RORA: variants seen among roughly 807,000 people sequenced by gnomAD.
RORA encodes RAR related orphan receptor A.
A neutral mutation model predicts 69.5 loss-of-function variants in RORA; 7 were observed. The observed-to-expected ratio is 0.10, with a 90% CI of 0.06 to 0.19. RORA has a LOEUF of 0.19. Among genes scored for constraint, RORA ranks in the 10% least tolerant of loss-of-function variants. The pLI, the probability that RORA is intolerant of heterozygous loss-of-function variation, is 1.00. For missense variants in RORA, 457 were observed against 663.0 expected, an observed-to-expected ratio of 0.69 and a Z score of 3.41; for synonymous variants, 261 against 240.8, an observed-to-expected ratio of 1.08 and a Z score of -0.78.
chr15:60,863,707 G>A lies in RORA; in HGVS notation c.167-185021C>T, dbSNP rs527321799. Reference sequence around the variant, plus strand: ...GTTAAACTGTTTAGTAGACTGTTTCGCAGAGCTTCAAACTCAGTCAATACT... The same window carrying A: ...GTTAAACTGTTTAGTAGACTGTTTCACAGAGCTTCAAACTCAGTCAATACT... On this transcript the variant is annotated intron_variant, in intron 1 of 10. Transcript: ENST00000335670. 1.2e-4 allele frequency among the ~76,000 whole-genome samples: 19 copies of A among 152,230 alleles called. No homozygotes were observed. In the South Asian group the frequency reaches 2.3e-3, roughly 18 times the overall value.
chr15:61,150,759 G>A (rs1278308477), intron 1 of RORA, among the ~76,000 whole-genome samples: 4 of 152,056 alleles, frequency 2.6e-5, no homozygotes, highest in Non-Finnish European at 5.9e-5. Flanking sequence ...GTTTGACCAG[G>A]GGAAACTATA....
At chr15:61,023,055 G>A (rs1895618359) in intron 1 of RORA, among the ~76,000 whole-genome samples, 2 of 151,836 alleles carry the variant, frequency 1.3e-5, no homozygotes, top group South Asian at 4.2e-4. Context: ...GGGCGTGGTG[G>A]CGGGCACCTG....
At chr15:60,738,168 C>A (rs1173845418) in intron 1 of RORA, among the ~76,000 whole-genome samples, 7 of 152,206 alleles carry the variant, frequency 4.6e-5, no homozygotes, top group African/African-American at 1.7e-4. Context: ...GCTTCTGTTT[C>A]ACTTTGTGCT....
chr15:60,749,921 T>G (rs2071700846), intron 1 of RORA, among the ~76,000 whole-genome samples: 1 of 152,130 alleles, frequency 6.6e-6, no homozygotes, highest in South Asian at 2.1e-4. Context: ...TCCCAGCTAC[T>G]CAGGAGGCTG....
intron 1 of RORA, among the ~76,000 whole-genome samples, chr15:60,807,792 C>T (rs1039494444): frequency 2.0e-5 from 3 of 152,292 alleles, no homozygotes; most frequent in Non-Finnish European, 4.4e-5. Flanking sequence ...GCCAACTGAT[C>T]TTCAACAAAG....
chr15:60,943,177 G>A (rs1055555202), intron 1 of RORA, among the ~76,000 whole-genome samples: 42 of 152,226 alleles, frequency 2.8e-4, no homozygotes. Context: ...TAGTGGTTTA[G>A]AAAGAAAGGT....
At chr15:60,703,162 C>A (rs1000657237) in intron 1 of RORA, among the ~76,000 whole-genome samples, 9 of 142,890 alleles carry the variant, frequency 6.3e-5, no homozygotes, top group Non-Finnish European at 9.3e-5. Context: ...CACACACACA[C>A]AATCTCTTTT....
At chr15:60,788,232 A>C (rs1229945806) in intron 1 of RORA, among the ~76,000 whole-genome samples, 1 of 152,244 alleles carries the variant, frequency 6.6e-6, no homozygotes, top group Non-Finnish European at 1.5e-5. Context: ...TTTATGAAGA[A>C]CATGTTGTTG....
intron 2 of RORA, among the ~76,000 whole-genome samples, chr15:60,538,543 T>G (rs1178069762): frequency 6.6e-6 from 1 of 152,330 alleles, no homozygotes; most frequent in African/African-American, 2.4e-5. Context: ...ACCATAATTC[T>G]CATCTGCTAG....
intron 1 of RORA, among the ~76,000 whole-genome samples, chr15:60,719,038 G>GT (rs1567167904): frequency 2.3e-4 from 25 of 110,470 alleles, no homozygotes; most frequent in African/African-American, 8.9e-4. Context: ...TGTGTGTGTG[G>GT]GGGGGGTGTG....
chr15:61,141,172 T>G (rs138659395), intron 1 of RORA, among the ~76,000 whole-genome samples: 275 of 152,350 alleles, frequency 1.8e-3, no homozygotes, highest in Admixed American at 6.2e-3. Flanking sequence ...GATATATTTA[T>G]AGACCATACA....
intron 1 of RORA, among the ~76,000 whole-genome samples, chr15:60,797,420 G>A (rs2072514079): frequency 6.6e-6 from 1 of 152,158 alleles, no homozygotes; most frequent in African/African-American, 2.4e-5. Context: ...CCAAGGGCCT[G>A]GGTTGTACAT....
rs543414908 is a variant in RORA at position 60,713,863 on chromosome 15, G to A, written c.167-35177C>T. Among the ~76,000 whole-genome samples the A allele has an allele frequency of 7.2e-5, 11 of 152,306 alleles. No homozygotes were observed. In the South Asian group the frequency reaches 2.3e-3, roughly 32 times the overall value. ...AAAGCACCTGATTACAACAGGATCT[G>A]CAACGCAGAGTAACAGCTGCCAACT... On this transcript the variant is annotated intron_variant, in intron 1 of 10. Transcript: ENST00000335670.
intron 1 of RORA, among the ~76,000 whole-genome samples, chr15:60,883,175 AGAGAG>A (rs1567224699): frequency 1.6e-4 from 21 of 131,632 alleles, no homozygotes; most frequent in East Asian, 4.1e-4. Context: ...AGAGAGAGAG[AGAGAG>A]AGAAAGAAAG....
chr15:60,615,111 A>G, intron 2 of RORA: 1 of 1,544,352 alleles, frequency 6.5e-7, no homozygotes, highest in Non-Finnish European at 8.8e-7. Flanking sequence ...AGCTGCCACT[A>G]TCCACAGCCA....
chr15:60,516,041 ATATATTTATATATATT>A (rs1158548938), intron 3 of RORA, among the ~76,000 whole-genome samples: 885 of 4,530 alleles, frequency 0.2, 111 homozygotes, highest in East Asian at 0.43. Flanking sequence ...ATATATATTT[ATATATTTATATATATT>A]TATATATATT....
At chr15:61,073,188 C>T (rs1379497380) in intron 1 of RORA, among the ~76,000 whole-genome samples, 6 of 152,204 alleles carry the variant, frequency 3.9e-5, no homozygotes, top group East Asian at 1.9e-4. Flanking sequence ...GTGCTGTAAA[C>T]GGCTCCTCTG....
chr15:61,067,124 T>G (rs967501822), intron 1 of RORA, among the ~76,000 whole-genome samples: 6 of 150,736 alleles, frequency 4.0e-5, no homozygotes, highest in Admixed American at 1.3e-4. Context: ...CTTTTTTTTT[T>G]TTTTTGAGAC....
intron 1 of RORA, among the ~76,000 whole-genome samples, chr15:60,731,825 A>C (rs1461386236): frequency 6.6e-6 from 1 of 152,208 alleles, no homozygotes; most frequent in Admixed American, 6.5e-5. Flanking sequence ...AGCAGCCATG[A>C]GTTTGAATTT....
Sources: allele counts gnomAD v4.1 joint callset (sites outside exome capture counted in the v4.1 genomes callset), GRCh38; gene constraint gnomAD v4.1.1; transcripts MANE v1.5; gene names NCBI Gene and HGNC (gene_info 2026-07-23, HGNC 2026-07-21).